Variants in ME1 observed in about 807,000 individuals in gnomAD.
ME1 encodes NADP-dependent malic enzyme.
ME1 carries 74 observed loss-of-function variants against 66.4 expected under a neutral mutation model. The observed-to-expected ratio is 1.11, with a 90% CI of 0.92 to 1.35. The LOEUF is 1.35. ME1 is among the 40% of genes most tolerant of loss of function. The pLI is 0.00. For synonymous variants in ME1, 251 were observed against 235.6 expected, an observed-to-expected ratio of 1.07 and a Z score of -0.60; for missense variants, 750 against 694.1, an observed-to-expected ratio of 1.08 and a Z score of -0.90.
At chr6:83,298,638 T>C (rs1313713353) in intron 6 of ME1, among the ~76,000 whole-genome samples, 1 of 152,132 alleles carries the variant, frequency 6.6e-6, no homozygotes, top group Non-Finnish European at 1.5e-5. Flanking sequence ...GAAATCTTTG[T>C]CCATGCCTAT....
intron 3 of ME1, among the ~76,000 whole-genome samples, chr6:83,380,922 G>C (rs12192277): frequency 0.25 from 38,540 of 151,992 alleles, 5,563 homozygotes; most frequent in Middle Eastern, 0.46. Context: ...ACTGCAGTTA[G>C]CTGAACAGAT....
chr6:83,281,038 C>G (rs1041933545), intron 6 of ME1, among the ~76,000 whole-genome samples: 1 of 152,162 alleles, frequency 6.6e-6, no homozygotes, highest in African/African-American at 2.4e-5. Flanking sequence ...AGTTCTGAAT[C>G]TAACTTTACA....
chr6:83,348,848 C>T (rs569027126), intron 4 of ME1, among the ~76,000 whole-genome samples: 8 of 151,236 alleles, frequency 5.3e-5, no homozygotes, highest in South Asian at 2.1e-4. Context: ...ATTACCTGGG[C>T]GTGGTGGCGA....
intron 6 of ME1, among the ~76,000 whole-genome samples, chr6:83,259,878 T>A (rs1766853313): frequency 6.6e-6 from 1 of 152,254 alleles, no homozygotes; most frequent in Non-Finnish European, 1.5e-5. Flanking sequence ...GCCATAATCA[T>A]CCATTCTTTT....
chr6:83,372,824 T>C (rs1769215335), intron 3 of ME1, among the ~76,000 whole-genome samples: 1 of 152,220 alleles, frequency 6.6e-6, no homozygotes. Context: ...AAAAGAACCA[T>C]ATGTTGAAAA....
chr6:83,360,027 C>T (rs995707513), intron 3 of ME1, among the ~76,000 whole-genome samples: 5 of 151,702 alleles, frequency 3.3e-5, no homozygotes, highest in African/African-American at 1.2e-4. Flanking sequence ...GATAGGAAAC[C>T]TACTGCGTTC....
chr6:83,380,352 T>C (rs1487561908), intron 3 of ME1, among the ~76,000 whole-genome samples: 2 of 152,090 alleles, frequency 1.3e-5, no homozygotes, highest in Admixed American at 1.3e-4. Context: ...AATTTTATCA[T>C]GGGGGAAATG....
At chr6:83,364,580 G>A (rs1360790421) in intron 3 of ME1, among the ~76,000 whole-genome samples, 1 of 152,144 alleles carries the variant, frequency 6.6e-6, no homozygotes, top group Non-Finnish European at 1.5e-5. Context: ...ATGCTATTTA[G>A]ATGTGAGTGT....
chr6:83,406,571 C>T (rs929916393), intron 2 of ME1, among the ~76,000 whole-genome samples: 8 of 152,190 alleles, frequency 5.3e-5, no homozygotes, highest in African/African-American at 1.9e-4. Context: ...CTCCAAATAA[C>T]ATCACACTGG....
chr6:83,340,544 A>G (rs187313254), intron 5 of ME1, among the ~76,000 whole-genome samples: 26 of 152,330 alleles, frequency 1.7e-4, no homozygotes, highest in Admixed American at 1.6e-3. Context: ...TAAGCATTCT[A>G]AATGTATTAA....
At position 83,308,241 on chromosome 6, in the gene ME1, A is replaced by C. The variant is rs371127126; in HGVS notation, c.704+7069T>G. On this transcript the variant is annotated intron_variant, in intron 6 of 13. Coordinates refer to ENST00000369705, the MANE Select transcript of ME1 (RefSeq NM_002395.6). ...TTCCTAGTGCTTCCCAATAACTTTT[A>C]ATTTTTGTCATTTAAAATAAAAAAG... is the stretch of plus-strand genomic sequence containing the variant. Among the ~76,000 whole-genome samples the C allele has an allele frequency of 5.9e-5, 9 of 152,106 alleles. No homozygotes were observed. The East Asian group carries it at 1.3e-3, about 23-fold the overall frequency.
chr6:83,269,811 C>T (rs1767053924), intron 6 of ME1, among the ~76,000 whole-genome samples: 1 of 152,084 alleles, frequency 6.6e-6, no homozygotes, highest in South Asian at 2.1e-4. Context: ...GATTCTAGTG[C>T]CTATCTTCAG....
At chr6:83,357,544 TG>T (rs1432073121) in intron 3 of ME1, among the ~76,000 whole-genome samples, 1 of 152,096 alleles carries the variant, frequency 6.6e-6, no homozygotes, top group African/African-American at 2.4e-5. Context: ...ATTGTCAACT[TG>T]ATGGGACTGA....
In ME1 at chr6:83,352,113, C is replaced by T. The variant is rs779943005; in HGVS notation, c.389G>A (p.Arg130Gln). Residue 130 changes from arginine (R) to glutamine (Q), a missense_variant, in exon 4 of 14, where the codon CGA becomes CAA. By Grantham distance (43) the Arg-to-Gln change is conservative (BLOSUM62 1). Transcript: ENST00000369705. The stretch of plus-strand genomic sequence containing the variant: ...ATTGAGAACTGAAGCAATATGCCCT[C>T]GATCGTGGATAGTAATAAAGAGACC... ...PRGLFITIHD[R>Q]GHIASVLNAW... The T allele has an allele frequency of 1.0e-5, 16 of 1,566,344 alleles. No homozygotes were observed. The highest frequency in any genetic ancestry group is 8.5e-5 in the African/African-American group (6 of 70,252).
At chr6:83,354,459 A>T (rs760035915) in intron 3 of ME1, among the ~76,000 whole-genome samples, 1 of 152,156 alleles carries the variant, frequency 6.6e-6, no homozygotes, top group Non-Finnish European at 1.5e-5. Flanking sequence ...TCATATTCAT[A>T]GTAGTGACTC....
Position 83,237,302 on chromosome 6 carries a change from AAAAG to A in ME1, c.1026+411_1026+414del, listed in dbSNP as rs70987737. On this transcript the variant is annotated intron_variant, in intron 9 of 13. Coordinates refer to ENST00000369705, the MANE Select transcript of ME1 (RefSeq NM_002395.6). Reference sequence around the variant, plus strand: ...AAGGAAGGAAGGAAGGAAAGAAAGAAAAAGAAAGAAAGAAAAGGAAGGAAAGGAA... The same window carrying A: ...AAGGAAGGAAGGAAGGAAAGAAAGAAAAAGAAAGAAAAGGAAGGAAAGGAA... Among the ~76,000 whole-genome samples, 16 of 74,306 alleles carry A rather than the reference AAAAG, an allele frequency of 2.2e-4. 1 individual carries two copies. The highest frequency in any genetic ancestry group is 1.4e-3 in the South Asian group (4 of 2,860). The allele number at this position is 74,306 out of a possible 152,430, so 48.7% of individuals were successfully genotyped here. A position where few individuals can be genotyped will look rare whatever the true frequency, so the allele number is the denominator to read the frequency against.
At chr6:83,400,990 T>G (rs1769827325) in intron 2 of ME1, among the ~76,000 whole-genome samples, 1 of 152,186 alleles carries the variant, frequency 6.6e-6, no homozygotes, top group African/African-American at 2.4e-5. Context: ...AAAACTCACC[T>G]TCTCAATGGA....
chr6:83,404,033 T>G (rs1769886934), intron 2 of ME1, among the ~76,000 whole-genome samples: 1 of 152,144 alleles, frequency 6.6e-6, no homozygotes, highest in Admixed American at 6.5e-5. Flanking sequence ...AATGGTATTG[T>G]GGGGTCAAAT....
At chr6:83,391,350 G>A (rs1278425110) in intron 3 of ME1, among the ~76,000 whole-genome samples, 3 of 152,128 alleles carry the variant, frequency 2.0e-5, no homozygotes, top group African/African-American at 4.8e-5. Context: ...TTTCAGTCCA[G>A]CAGAAGGTCT....
Sources: allele counts gnomAD v4.1 joint callset (sites outside exome capture counted in the v4.1 genomes callset), GRCh38; gene constraint gnomAD v4.1.1; transcripts MANE v1.5; gene names NCBI Gene and HGNC (gene_info 2026-07-23, HGNC 2026-07-21).